Variants in MSN observed in about 807,000 individuals in gnomAD.
The protein encoded by MSN is epididymis luminal protein 70.
MSN carries 2 observed loss-of-function variants against 48.0 expected under a neutral mutation model. That is an observed-to-expected ratio of 0.04 (90% confidence interval 0.02 to 0.13). The LOEUF (loss-of-function observed/expected upper bound fraction) is 0.13, where lower values mean the gene tolerates loss of function less well. MSN is among the 10% of genes least tolerant of loss of function. The probability of loss-of-function intolerance (pLI) is 1.00; values close to 1 mark genes in which losing one functional copy is unlikely to be tolerated. For synonymous variants in MSN, 146 were observed against 166.9 expected (o/e 0.87, Z 0.97); for missense variants, 267 against 470.1 (o/e 0.57, Z 3.99).
intron 1 of MSN, among the ~76,000 whole-genome samples, chrX:65,636,495 G>C (rs1012664078): frequency 5.4e-4 from 59 of 110,253 alleles, no homozygotes; most frequent in Non-Finnish European, 8.9e-4. Flanking sequence ...CCAGCACCTT[G>C]GGAGGCCGAG....
rs1186498644 is a variant in MSN, at chrX:65,729,446, C to A, written c.201C>A (p.Ala67=). The A allele has an allele frequency of 1.7e-6, 2 of 1,210,008 alleles. No homozygotes were observed. Among genetic ancestry groups the A allele is most frequent in the Admixed American group, 2.2e-5 (1 of 45,927 alleles). ...TWLKLNKKVT[A]QDVRKESPLL... is the part of the protein sequence containing the mutation. ...ACCCTTACTCTTCCCAGGTGACTGC[C>A]CAGGATGTGCGGAAGGAAAGCCCCC... Residue 67 remains alanine (A), a synonymous_variant, in exon 4 of 13, where the codon GCC becomes GCA. Transcript: ENST00000360270.
intron 1 of MSN, chrX:65,589,124 G>A (rs951613902): frequency 7.9e-6 from 1 of 126,611 alleles, no homozygotes; most frequent in Non-Finnish European, 1.6e-5. Flanking sequence ...CAGCTTCCCT[G>A]TCACTCCCAT....
chrX:65,704,057 G>A (rs2071337049), intron 1 of MSN, among the ~76,000 whole-genome samples: 1 of 111,844 alleles, frequency 8.9e-6, no homozygotes, highest in Admixed American at 9.5e-5. Flanking sequence ...CCTAAGCAGA[G>A]GGAATAGAGC....
intron 1 of MSN, among the ~76,000 whole-genome samples, chrX:65,638,882 G>A (rs935388351): frequency 8.9e-6 from 1 of 112,067 alleles, no homozygotes; most frequent in Non-Finnish European, 1.9e-5. Flanking sequence ...ATCCACCTTT[G>A]CCATTTCCTA....
Position 65,588,633 on chromosome X carries a change from T to TGAGGGTTGG in MSN, c.-22+25_-22+33dup, listed in dbSNP as rs1443660357. 1.8e-5 allele frequency: 14 copies of TGAGGGTTGG among 793,471 alleles called. No homozygotes were observed. In the South Asian group the frequency reaches 9.3e-4, roughly 53 times the overall value. 65.4% of individuals were successfully genotyped at this position (793,471 alleles called of 1,213,427 possible). A position where few individuals can be genotyped will look rare whatever the true frequency, so the allele number is the denominator to read the frequency against. The stretch of plus-strand genomic sequence containing the variant: ...ACCAAGTGAGTGAACAGGGGCTGGC[T>TGAGGGTTGG]GAGGGTTGGGAGAGGTTCCTGGACA... On this transcript the variant is annotated intron_variant, in intron 1 of 3. Coordinates refer to the MSN transcript ENST00000609672.
intron 1 of MSN, among the ~76,000 whole-genome samples, chrX:65,669,340 C>A (rs1346807953): frequency 1.8e-5 from 2 of 110,963 alleles, no homozygotes; most frequent in Non-Finnish European, 1.9e-5. Context: ...TCTTAAGGTG[C>A]GGCTTTGCCT....
intron 1 of MSN, among the ~76,000 whole-genome samples, chrX:65,618,952 C>A (rs1276341795): frequency 9.3e-6 from 1 of 107,228 alleles, no homozygotes; most frequent in Non-Finnish European, 1.9e-5. Context: ...TATTTTATTT[C>A]TCCTTCACTT....
chrX:65,692,396 G>T (rs1357515415), intron 1 of MSN, among the ~76,000 whole-genome samples: 1 of 112,671 alleles, frequency 8.9e-6, no homozygotes, highest in African/African-American at 3.2e-5. Context: ...CAGTGCCTTT[G>T]CATAGGAAGG....
chrX:65,726,835 C>T (rs1425492952), intron 2 of MSN, among the ~76,000 whole-genome samples: 2 of 111,490 alleles, frequency 1.8e-5, no homozygotes, highest in African/African-American at 6.5e-5. Flanking sequence ...TAGGATGTGG[C>T]TCAGCTTCAC....
chrX:65,724,116 T>C (rs1333666823), intron 2 of MSN, among the ~76,000 whole-genome samples: 15 of 108,591 alleles, frequency 1.4e-4, no homozygotes, highest in Non-Finnish European at 2.7e-4. Flanking sequence ...AGAACTACTT[T>C]AGTCACCATG....
In MSN at chrX:65,737,354, G is replaced by A. The variant is rs2071688764; in HGVS notation, c.1251+16G>A. On this transcript the variant is annotated intron_variant, in intron 10 of 12. Transcript: ENST00000360270. ...GGAACAGCTGGTAAAGCTGTAGGGT[G>A]GGCTGGGATTATGGGAACTGAACTT... 8.4e-7 allele frequency: 1 copy of A among 1,197,499 alleles called. No homozygotes were observed. The highest frequency in any genetic ancestry group is 1.1e-6 in the Non-Finnish European group (1 of 888,669).
intron 1 of MSN, among the ~76,000 whole-genome samples, chrX:65,691,945 GAGGAGA>G (rs2071177057): frequency 8.9e-6 from 1 of 112,101 alleles, no homozygotes; most frequent in East Asian, 2.8e-4. Flanking sequence ...ACTTAGTCCA[GAGGAGA>G]AAGGCCTTAG....
chrX:65,717,556 A>C (rs935840235), intron 2 of MSN, among the ~76,000 whole-genome samples: 2 of 112,219 alleles, frequency 1.8e-5, no homozygotes, highest in South Asian at 3.7e-4. Context: ...GTGTCCCTTC[A>C]TTGTGAATCA....
chrX:65,672,826 G>C (rs1033488792), intron 1 of MSN, among the ~76,000 whole-genome samples: 2 of 111,512 alleles, frequency 1.8e-5, no homozygotes, highest in Non-Finnish European at 3.8e-5. Context: ...GATGGTATAA[G>C]AGCATTGAGT....
intron 2 of MSN, among the ~76,000 whole-genome samples, chrX:65,727,562 A>G (rs1470714401): frequency 8.9e-6 from 1 of 112,033 alleles, no homozygotes; most frequent in African/African-American, 3.2e-5. Context: ...AAAGGAGATG[A>G]TGGATGTAAG....
At position 65,740,676 on chromosome X, in the gene MSN, T is replaced by C. The variant is rs1282536197; in HGVS notation, c.*783T>C. The C allele has an allele frequency of 1.8e-5, 3 of 170,175 alleles. No homozygotes were observed. Among genetic ancestry groups the C allele is most frequent in the Non-Finnish European group, 3.3e-5 (3 of 89,766 alleles). The allele number at this position is 170,175 out of a possible 1,213,427, so 14.0% of individuals were successfully genotyped here. ...GAGTATAGGCCGGTCTAAAGTGAGC[T>C]CTATGGGCAGATCTACCCCTTACTT... On this transcript the variant is annotated 3_prime_UTR_variant, in exon 13 of 13. Coordinates refer to ENST00000360270, the MANE Select transcript of MSN (RefSeq NM_002444.3).
chrX:65,646,895 C>T (rs1052872265), intron 1 of MSN, among the ~76,000 whole-genome samples: 2 of 111,078 alleles, frequency 1.8e-5, no homozygotes, highest in Admixed American at 9.6e-5. Flanking sequence ...TGTGGTGAGC[C>T]GAGATCGCAC....
At chrX:65,731,549 A>G (rs2071622680) in intron 5 of MSN, among the ~76,000 whole-genome samples, 1 of 110,940 alleles carries the variant, frequency 9.0e-6, no homozygotes, top group Non-Finnish European at 1.9e-5. Flanking sequence ...GGCTGTCACA[A>G]TGAATGAGAG....
At chrX:65,601,809 C>T (rs932952187) in intron 1 of MSN, among the ~76,000 whole-genome samples, 2 of 112,588 alleles carry the variant, frequency 1.8e-5, no homozygotes, top group African/African-American at 6.5e-5. Context: ...TTTTTCTTCA[C>T]TTCCTCAGTC....
Sources: allele counts gnomAD v4.1 joint callset (sites outside exome capture counted in the v4.1 genomes callset), GRCh38; gene constraint gnomAD v4.1.1; transcripts MANE v1.5; gene names NCBI Gene and HGNC (gene_info 2026-07-23, HGNC 2026-07-21).